Variants in UPF1 observed in about 807,000 individuals in gnomAD.
UPF1 encodes the protein regulator of nonsense transcripts 1.
A neutral mutation model predicts 129.2 loss-of-function variants in UPF1; 9 were observed. The observed-to-expected ratio is 0.07, with a 90% confidence interval of 0.04 to 0.12. The LOEUF (loss-of-function observed/expected upper bound fraction) is 0.12. Among genes scored for constraint, UPF1 ranks in the 10% least tolerant of loss-of-function variants. UPF1 has a pLI of 1.00. For synonymous variants in UPF1, 649 were observed against 644.9 expected (o/e 1.01, Z -0.10); for missense variants, 788 against 1,525.3 (o/e 0.52, Z 8.05).
At position 18,865,966 on chromosome 19, in the gene UPF1, C is replaced by A; in HGVS notation, c.3238-78C>A. ...TTGGGGACGGGTTTTCCATTCTTTTCTCTGGGGCTGCTGAGGGCTGGGTGG... is the reference window on the plus strand; with the variant it reads ...TTGGGGACGGGTTTTCCATTCTTTTATCTGGGGCTGCTGAGGGCTGGGTGG... On this transcript the variant is annotated intron_variant, in intron 22 of 23. Coordinates refer to ENST00000262803, the MANE Select transcript of UPF1 (RefSeq NM_002911.4). The surrounding 1 kb of genome is among the most constrained non-coding windows in gnomAD (Gnocchi z 6.1). 1.9e-6 allele frequency: 3 copies of A among 1,600,760 alleles called. No homozygotes were observed. Among genetic ancestry groups the A allele is most frequent in the Non-Finnish European group, 2.5e-6 (3 of 1,176,672 alleles).
chr19:18,848,883 G>GA (rs1397960780), intron 3 of UPF1: 1 of 152,196 alleles, frequency 6.6e-6, no homozygotes, highest in Non-Finnish European at 1.5e-5. Context: ...TCTTGTTCAG[G>GA]AAAAGCAACT....
At position 18,861,000 on chromosome 19, in the gene UPF1, G is replaced by T; in HGVS notation, c.2457+18G>T. The stretch of plus-strand genomic sequence containing the variant: ...TCTACCAGGTGCGCTGCGCCCTCGG[G>T]CACACTTGGTCTCCTGGGCCATGCA... On this transcript the variant is annotated intron_variant, in intron 17 of 23. Transcript: ENST00000262803. 1 of 1,559,040 alleles carries T rather than the reference G, an allele frequency of 6.4e-7. No homozygotes were observed.
chr19:18,854,242 C>T (rs916606963), intron 8 of UPF1, among the ~76,000 whole-genome samples: 6 of 152,308 alleles, frequency 3.9e-5, no homozygotes, highest in African/African-American at 9.6e-5. Context: ...CAGGAGCTCC[C>T]GGTGAGGTCC....
intron 17 of UPF1, among the ~76,000 whole-genome samples, chr19:18,861,786 C>T (rs1057011358): frequency 6.6e-6 from 1 of 152,184 alleles, no homozygotes; most frequent in Admixed American, 6.5e-5. Flanking sequence ...TGAGATTGTA[C>T]CACTGTACTC....
chr19:18,863,316 C>T, intron 18 of UPF1, 122 bp from the exon 19 acceptor site: 1 of 1,317,934 alleles, frequency 7.6e-7, no homozygotes, highest in Non-Finnish European at 1.0e-6. Flanking sequence ...CTGCCTGCTG[C>T]CCGGTCCACG....
chr19:18,833,875 T>A (rs1039050214), intron 1 of UPF1, among the ~76,000 whole-genome samples: 1 of 152,182 alleles, frequency 6.6e-6, no homozygotes, highest in African/African-American at 2.4e-5. Flanking sequence ...CACTTGGGCT[T>A]TCTTTTAGCC....
chr19:18,845,980 G>A lies in UPF1; in HGVS notation c.232G>A (p.Val78Ile). 2 of 1,613,882 alleles carry A rather than the reference G, an allele frequency of 1.2e-6. No homozygotes were observed. The highest frequency in any genetic ancestry group is 1.7e-6 in the Non-Finnish European group (2 of 1,179,996). Residue 78 changes from valine to isoleucine, a missense_variant and splice_region_variant, in exon 2 of 24, where the codon GTT becomes ATT. Around this residue, in one of 6 missense-constraint regions of UPF1, gnomAD observed 112 missense variants for 128.2 expected, o/e 0.87. Transcript: ENST00000262803. The stretch of plus-strand genomic sequence containing the variant: ...CAGGTGACACTGCGTTCTGCTGCAG[G>A]TTGGGCCCGAAGGCATCCTGCAGAA... ...GAAAGQLDAQ[V>I]GPEGILQNGA...
At chr19:18,860,134 CTT>C in intron 15 of UPF1, 185 bp from the exon 16 acceptor site, 1 of 627,132 alleles carries the variant, frequency 1.6e-6, no homozygotes, top group Non-Finnish European at 2.8e-6. Context: ...TCTCCTCAGC[CTT>C]GCCCAATCCT....
At chr19:18,864,360 G>T (rs1168738084) in intron 20 of UPF1, 109 bp downstream of exon 20, 1 of 990,790 alleles carries the variant, frequency 1.0e-6, no homozygotes. Context: ...CCCCTCAAGG[G>T]CGGTGCCTGG....
chr19:18,856,376 TTTGAATTG>T (rs1211492343), intron 13 of UPF1, 76 bp downstream of exon 13: 1 of 1,366,072 alleles, frequency 7.3e-7, no homozygotes, highest in African/African-American at 1.5e-5. Flanking sequence ...AAAGCACCTA[TTTGAATTG>T]TTGCTTTGCT....
At position 18,865,482 on chromosome 19, in the gene UPF1, C is replaced by T. The variant is rs749562256; in HGVS notation, c.3019+32C>T. ...ATCTGTGGCTGCGGCTGGGTGTGGCCCTCCTGAGAGCTCTTGAGGGTGTGC... is the reference window on the plus strand; with the variant it reads ...ATCTGTGGCTGCGGCTGGGTGTGGCTCTCCTGAGAGCTCTTGAGGGTGTGC... On this transcript the variant is annotated intron_variant, in intron 21 of 23. Transcript: ENST00000262803. This position sits in a 1 kb window ranked among gnomAD's most constrained non-coding sequence, Gnocchi z 6.1. 1.2e-6 allele frequency: 2 copies of T among 1,611,474 alleles called. No homozygotes were observed. Among genetic ancestry groups the T allele is most frequent in the Non-Finnish European group, 8.5e-7 (1 of 1,178,164 alleles).
intron 2 of UPF1, among the ~76,000 whole-genome samples, chr19:18,846,791 C>T (rs538153800): frequency 1.9e-4 from 29 of 152,104 alleles, no homozygotes; most frequent in African/African-American, 6.8e-4. Context: ...GAGATCGAGA[C>T]CATCCTGGCT....
Position 18,865,291 on chromosome 19 carries a change from C to T in UPF1, c.2860C>T (p.Arg954Trp), listed in dbSNP as rs750432625. 4 of 1,600,778 alleles carry T rather than the reference C, an allele frequency of 2.5e-6. No homozygotes were observed. Among genetic ancestry groups the T allele is most frequent in the South Asian group, 1.1e-5 (1 of 90,780 alleles). The change falls in exon 21 of 24, where the codon CGG (arginine) becomes TGG (tryptophan). Residue 954 changes from arginine (R) to tryptophan (W), a missense_variant and splice_region_variant. Around this residue, in one of 6 missense-constraint regions of UPF1, gnomAD observed 218 missense variants for 318.1 expected, o/e 0.69. Coordinates refer to ENST00000262803, the MANE Select transcript of UPF1 (RefSeq NM_002911.4). This position sits in a 1 kb window ranked among gnomAD's most constrained non-coding sequence, Gnocchi z 6.1. ...CCGTGTTCCACTGTGATTTGCAGGC[C>T]GGCCTTCCAGCATGTACTTCCAGAC... ...GSVYDRSSQG[R>W]PSSMYFQTHD...
At position 18,850,691 on chromosome 19, in the gene UPF1, G is replaced by A. The variant is rs775833720; in HGVS notation, c.633G>A (p.Gln211=). 4 of 1,587,480 alleles carry A rather than the reference G, an allele frequency of 2.5e-6. No individual in the cohort carries two copies. The South Asian group carries it at 4.5e-5, about 18-fold the overall frequency. ...ADSVVVLLCR[Q]PCASQSSLKD... ...ACGGCCCCCTCCCGCTCTGCAGGCA[G>A]CCCTGTGCCAGCCAGAGCAGCCTCA... Residue 211 remains glutamine (Q), a synonymous_variant, in exon 5 of 24, where the codon CAG becomes CAA. Transcript: ENST00000262803. The surrounding 1 kb of genome is among the most constrained non-coding windows in gnomAD (Gnocchi z 7.1).
intron 20 of UPF1, among the ~76,000 whole-genome samples, chr19:18,864,665 C>T (rs2055819592): frequency 6.6e-6 from 1 of 150,728 alleles, no homozygotes; most frequent in South Asian, 2.1e-4. Flanking sequence ...TCAAGCAGTC[C>T]TTCTGCTCAG....
At chr19:18,858,834 A>C (rs2055746228) in intron 15 of UPF1, among the ~76,000 whole-genome samples, 1 of 152,236 alleles carries the variant, frequency 6.6e-6, no homozygotes, top group Non-Finnish European at 1.5e-5. Context: ...ATGAATTAAT[A>C]TATTTTTTAA....
Position 18,850,715 on chromosome 19 carries a change from C to G in UPF1, c.657C>G (p.Leu219=), listed in dbSNP as rs1201717598. The stretch of plus-strand genomic sequence containing the variant: ...AGCCCTGTGCCAGCCAGAGCAGCCT[C>G]AAGGACATCAACTGGGACAGCTCGC... The part of the protein sequence containing the change: ...CRQPCASQSS[L]KDINWDSSQW... The change falls in exon 5 of 24, where the codon CTC becomes CTG. Residue 219 remains leucine, a synonymous_variant. Coordinates refer to ENST00000262803, the MANE Select transcript of UPF1 (RefSeq NM_002911.4). This position sits in a 1 kb window ranked among gnomAD's most constrained non-coding sequence, Gnocchi z 7.1. 6.2e-7 allele frequency: 1 copy of G among 1,607,766 alleles called. No homozygotes were observed. The highest frequency in any genetic ancestry group is 2.2e-5 in the East Asian group (1 of 44,772).
Position 18,865,601 on chromosome 19 carries a change from C to T in UPF1, c.3060C>T (p.Arg1020=). ...TPKGKTGRGG[R]QKNRFGLPGP... ...AAGGCAAGACTGGTCGTGGGGGACG[C>T]CAGAAGAACCGCTTTGGGCTTCCTG... is the stretch of plus-strand genomic sequence containing the variant. Residue 1020 remains arginine, a synonymous_variant, in exon 22 of 24, where the codon CGC becomes CGT. Coordinates refer to ENST00000262803, the MANE Select transcript of UPF1 (RefSeq NM_002911.4). This position sits in a 1 kb window ranked among gnomAD's most constrained non-coding sequence, Gnocchi z 6.1. The T allele has an allele frequency of 6.2e-7, 1 of 1,613,842 alleles. No homozygotes were observed. The highest frequency in any genetic ancestry group is 8.5e-7 in the Non-Finnish European group (1 of 1,180,026).
rs1401072145 is a variant in UPF1 at position 18,852,125 on chromosome 19, T to C, written c.811-10T>C. The C allele has an allele frequency of 1.3e-6, 2 of 1,598,728 alleles. No homozygotes were observed. The highest frequency in any genetic ancestry group is 1.1e-5 in the South Asian group (1 of 89,814). Reference sequence around the variant, plus strand: ...CAGGACGAGTGTGGCGCGGTGTTGTTGTCTTCTAGGAAAACCCTTCTGCCA... The same window carrying C: ...CAGGACGAGTGTGGCGCGGTGTTGTCGTCTTCTAGGAAAACCCTTCTGCCA... On this transcript the variant is annotated splice_polypyrimidine_tract_variant and intron_variant, in intron 5 of 23. Transcript: ENST00000262803.
Sources: allele counts gnomAD v4.1 joint callset (sites outside exome capture counted in the v4.1 genomes callset), GRCh38; gene constraint gnomAD v4.1.1; regional missense constraint gnomAD v4.1.1; non-coding constraint Gnocchi (gnomAD v3.1); transcripts MANE v1.5; gene names NCBI Gene and HGNC (gene_info 2026-07-23, HGNC 2026-07-21).